E2F3: variants seen among roughly 807,000 people sequenced by gnomAD.
E2F3 encodes E2F transcription factor 3.
E2F3 carries 11 observed loss-of-function variants against 44.4 expected under a neutral mutation model. The observed-to-expected ratio is 0.25, with a 90% CI of 0.16 to 0.41. E2F3 has a LOEUF of 0.41. Ranked by LOEUF, E2F3 falls within the 10% of genes least tolerant of loss-of-function variation. The probability of loss-of-function intolerance (pLI) is 1.00; values close to 1 mark genes in which losing one functional copy is unlikely to be tolerated. For synonymous variants in E2F3, 249 were observed against 253.0 expected (o/e 0.98, Z 0.15); for missense variants, 487 against 583.6 (o/e 0.83, Z 1.70).
intron 1 of E2F3, among the ~76,000 whole-genome samples, chr6:20,414,216 T>C (rs1759768055): frequency 6.6e-6 from 1 of 152,220 alleles, no homozygotes; most frequent in Non-Finnish European, 1.5e-5. Context: ...TCCTCTGTAA[T>C]ATGAAAACGA....
intron 1 of E2F3, among the ~76,000 whole-genome samples, chr6:20,466,570 A>G (rs1293043155): frequency 6.6e-6 from 1 of 151,518 alleles, no homozygotes. Flanking sequence ...TTTTCTTGCT[A>G]ATTTGTTTTA....
chr6:20,480,355 A>G (rs3828858), intron 2 of E2F3, among the ~76,000 whole-genome samples: 21,633 of 152,218 alleles, frequency 0.14, 2,093 homozygotes, highest in East Asian at 0.43. Context: ...TCAGCATATG[A>G]TAGCGTAAGA....
intron 1 of E2F3, among the ~76,000 whole-genome samples, chr6:20,419,351 C>T (rs1192726001): frequency 6.6e-6 from 1 of 152,102 alleles, no homozygotes; most frequent in Non-Finnish European, 1.5e-5. Context: ...TTTTATATCA[C>T]AGGGCATGTA....
chr6:20,402,412 C>T lies in E2F3; in HGVS notation c.180C>T (p.Ile60=), dbSNP rs765127191. The T allele has an allele frequency of 1.2e-6, 2 of 1,611,528 alleles. No individual in the cohort carries two copies. Among genetic ancestry groups the T allele is most frequent in the Non-Finnish European group, 1.7e-6 (2 of 1,179,390 alleles). ...CCGCCCCGGGCGCGTACATCCAGAT[C>T]CTCACCACGAACACTTCCACCACCT... is the stretch of plus-strand genomic sequence containing the variant. ...AAAAPGAYIQ[I]LTTNTSTTSC... is the part of the protein sequence containing the mutation. Residue 60 remains isoleucine, a synonymous_variant, in exon 1 of 7, where the codon ATC becomes ATT. Coordinates refer to ENST00000346618, the MANE Select transcript of E2F3 (RefSeq NM_001949.5). The surrounding 1 kb of genome is among the most constrained non-coding windows in gnomAD (Gnocchi z 5.6).
chr6:20,449,580 T>C (rs1239527142), intron 1 of E2F3, among the ~76,000 whole-genome samples: 1 of 152,180 alleles, frequency 6.6e-6, no homozygotes, highest in Non-Finnish European at 1.5e-5. Context: ...CCAGCAGATA[T>C]GTGCATATGT....
At chr6:20,465,074 GT>G (rs1561874517) in intron 1 of E2F3, among the ~76,000 whole-genome samples, 1 of 152,190 alleles carries the variant, frequency 6.6e-6, no homozygotes, top group African/African-American at 2.4e-5. Flanking sequence ...TGCCCAGTGG[GT>G]TTTGATAGCA....
chr6:20,482,104 G>A (rs3806114), intron 3 of E2F3, among the ~76,000 whole-genome samples: 110,388 of 151,984 alleles, frequency 0.73, 40,276 homozygotes, highest in Middle Eastern at 0.89. Context: ...GCTTTGAAAA[G>A]ATACTAATTC....
intron 1 of E2F3, chr6:20,403,778 C>A: frequency 3.3e-6 from 5 of 1,495,952 alleles, no homozygotes; most frequent in Non-Finnish European, 4.4e-6. Context: ...CTCCAGCCGG[C>A]CCCCCACCTC....
chr6:20,437,121 CAGTCTCTTAAAA>C (rs1760613100), intron 1 of E2F3, among the ~76,000 whole-genome samples: 1 of 152,178 alleles, frequency 6.6e-6, no homozygotes, highest in Non-Finnish European at 1.5e-5. Context: ...GAGTAAGACT[CAGTCTCTTAAAA>C]ATTTAAAGTC....
intron 1 of E2F3, among the ~76,000 whole-genome samples, chr6:20,414,518 C>G (rs1016262106): frequency 1.3e-5 from 2 of 151,960 alleles, no homozygotes; most frequent in African/African-American, 4.8e-5. Context: ...CTCTAGCATT[C>G]TAAAGTTTAA....
rs185222077 is a variant in E2F3, at chr6:20,402,308, G to T, written c.76G>T (p.Ala26Ser). 6.2e-7 allele frequency: 1 copy of T among 1,606,944 alleles called. No homozygotes were observed. Among genetic ancestry groups the T allele is most frequent in the Non-Finnish European group, 8.5e-7 (1 of 1,178,110 alleles). The change falls in exon 1 of 7, where the codon GCC becomes TCC. Residue 26 changes from alanine to serine, a missense_variant. Ala to Ser is a moderately conservative substitution (Grantham distance 99, BLOSUM62 1). Coordinates refer to ENST00000346618, the MANE Select transcript of E2F3 (RefSeq NM_001949.5). The surrounding 1 kb of genome is among the most constrained non-coding windows in gnomAD (Gnocchi z 5.6). Reference protein sequence around the residue: ...AGGGEGAAVVAAAAAASMDKR... With the variant: ...AGGGEGAAVVSAAAAASMDKR... ...GGGTGGGGAGGGGGCGGCTGTCGTC[G>T]CCGCCGCCGCTGCAGCCTCCATGGA...
At chr6:20,445,542 A>G (rs1381253719) in intron 1 of E2F3, among the ~76,000 whole-genome samples, 1 of 152,146 alleles carries the variant, frequency 6.6e-6, no homozygotes, top group South Asian at 2.1e-4. Flanking sequence ...TACGTATCTT[A>G]GCATTGATAC....
In E2F3 at chr6:20,467,208, C is replaced by A. The variant is rs555183645; in HGVS notation, c.394-12638C>A. Among the ~76,000 whole-genome samples, 16 of 152,284 alleles carry A rather than the reference C, an allele frequency of 1.1e-4. No individual in the cohort carries two copies. In the East Asian group the frequency reaches 2.9e-3, roughly 28 times the overall value. ...GCAACAAGGTTAAATGGGGCATCCA[C>A]ATTAAAGGGGCGCCCCTAATCGCAT... is the stretch of plus-strand genomic sequence containing the variant. On this transcript the variant is annotated intron_variant, in intron 1 of 6. Coordinates refer to ENST00000346618, the MANE Select transcript of E2F3 (RefSeq NM_001949.5).
At chr6:20,407,177 T>C (rs1024566186) in intron 1 of E2F3, among the ~76,000 whole-genome samples, 1 of 152,202 alleles carries the variant, frequency 6.6e-6, no homozygotes, top group Non-Finnish European at 1.5e-5. Flanking sequence ...ATCTTGCTTC[T>C]GCTGAGATAT....
chr6:20,453,043 T>C (rs1761185323), intron 1 of E2F3, among the ~76,000 whole-genome samples: 2 of 152,220 alleles, frequency 1.3e-5, no homozygotes. Flanking sequence ...ACTTAATTCC[T>C]GTACGTGATT....
chr6:20,405,593 G>A (rs1477257448), intron 1 of E2F3, among the ~76,000 whole-genome samples: 1 of 152,136 alleles, frequency 6.6e-6, no homozygotes, highest in Non-Finnish European at 1.5e-5. Context: ...GGGAAGCCGA[G>A]GGGGGCGGAT....
intron 1 of E2F3, among the ~76,000 whole-genome samples, chr6:20,455,556 A>G (rs572173209): frequency 1.3e-5 from 2 of 152,300 alleles, no homozygotes; most frequent in Non-Finnish European, 1.5e-5. Flanking sequence ...ATAGAAGCCT[A>G]TGGTTTTATT....
chr6:20,452,135 C>CTTT (rs914531423), intron 1 of E2F3, among the ~76,000 whole-genome samples: 1 of 152,144 alleles, frequency 6.6e-6, no homozygotes, highest in African/African-American at 2.4e-5. Flanking sequence ...GGTACCAGCT[C>CTTT]TTTGTACGTC....
chr6:20,442,172 A>T (rs1760799387), intron 1 of E2F3, among the ~76,000 whole-genome samples: 1 of 152,106 alleles, frequency 6.6e-6, no homozygotes, highest in Non-Finnish European at 1.5e-5. Context: ...CAGCCTGTTT[A>T]TGAGGTGCTT....
Sources: gnomAD v4.1 joint callset for allele counts (sites outside exome capture counted in the v4.1 genomes callset) on GRCh38, gnomAD v4.1.1 for gene constraint, Gnocchi (gnomAD v3.1) non-coding constraint, MANE v1.5 for transcripts, NCBI Gene and HGNC (gene_info 2026-07-23, HGNC 2026-07-21) for gene names.